ARHGAP6: variants seen among roughly 807,000 people sequenced by gnomAD.
ARHGAP6 encodes Rho GTPase activating protein 6, also known as rho GTPase-activating protein 6.
Under a neutral mutation model 55.7 loss-of-function variants are expected in ARHGAP6, and 16 were observed. The observed-to-expected ratio is 0.29, with a 90% CI of 0.19 to 0.44. ARHGAP6 has a LOEUF of 0.44. Ranked by LOEUF, ARHGAP6 falls within the 20% of genes least tolerant of loss-of-function variation. The pLI is 1.00. For missense variants in ARHGAP6, 698 were observed against 808.9 expected, an observed-to-expected ratio of 0.86 and a Z score of 1.66; for synonymous variants, 382 against 360.9, an observed-to-expected ratio of 1.06 and a Z score of -0.66.
At position 11,300,828 on chromosome X, in the gene ARHGAP6, T is replaced by C. The variant is rs7052450; in HGVS notation, c.589-46121A>G. The C allele has an allele frequency of 0.05, 18,573 of 373,868 alleles. 808 individuals are homozygous for C. Among genetic ancestry groups the C allele is most frequent in the African/African-American group, 0.2 (7,856 of 38,855 alleles). The allele number at this position is 373,868 out of a possible 1,213,427, so 30.8% of individuals were successfully genotyped here. ...TTTGAGATGATATATTATGAATGAG[T>C]ATTCTTGAATCAGGTAGGAACTGCT... On this transcript the variant is annotated intron_variant, in intron 1 of 12. Coordinates refer to ENST00000337414, the MANE Select transcript of ARHGAP6 (RefSeq NM_013427.3).
At chrX:11,609,632 G>C (rs761408992) in intron 1 of ARHGAP6, among the ~76,000 whole-genome samples, 1 of 111,946 alleles carries the variant, frequency 8.9e-6, no homozygotes, top group Non-Finnish European at 1.9e-5. Context: ...CAACCTATCA[G>C]CATACCAAAA....
chrX:11,225,724 G>A (rs1248444729), intron 2 of ARHGAP6: 2 of 657,094 alleles, frequency 3.0e-6, no homozygotes. Flanking sequence ...GGAACTGAAA[G>A]AGATTGAGCC....
chrX:11,447,929 T>C (rs1330399789), intron 1 of ARHGAP6, among the ~76,000 whole-genome samples: 2 of 112,228 alleles, frequency 1.8e-5, no homozygotes, highest in Admixed American at 1.9e-4. Flanking sequence ...ATAACAGATA[T>C]AATAATAACC....
At chrX:11,660,161 G>C (rs1485627306) in intron 1 of ARHGAP6, among the ~76,000 whole-genome samples, 2 of 111,575 alleles carry the variant, frequency 1.8e-5, no homozygotes, top group Non-Finnish European at 3.8e-5. Context: ...CTTCACTTGG[G>C]CAACACTCAA....
intron 1 of ARHGAP6, among the ~76,000 whole-genome samples, chrX:11,353,803 T>G (rs2048891925): frequency 9.0e-6 from 1 of 111,189 alleles, no homozygotes; most frequent in Non-Finnish European, 1.9e-5. Context: ...TCTGATCATT[T>G]TCCTTGACCT....
At position 11,139,423 on chromosome X, in the gene ARHGAP6, C is replaced by T. The variant is rs777665520; in HGVS notation, c.2365G>A (p.Glu789Lys). The T allele has an allele frequency of 8.4e-7, 1 of 1,187,283 alleles. No individual in the cohort carries two copies. Among genetic ancestry groups the T allele is most frequent in the Non-Finnish European group, 1.1e-6 (1 of 885,688 alleles). ...NWPRWQGSPA[E>K]LDSDTQGARR... ...GCCCCCTGCGTGTCGCTGTCCAGCT[C>T]TGCGGGGCTCCCCTGCCACCGAGGC... Residue 789 changes from glutamate to lysine, a missense_variant, in exon 13 of 13, where the codon GAG (glutamate) becomes AAG (lysine). Coordinates refer to ENST00000337414, the MANE Select transcript of ARHGAP6 (RefSeq NM_013427.3).
chrX:11,415,357 A>C (rs1056244415), intron 1 of ARHGAP6, among the ~76,000 whole-genome samples: 14 of 111,870 alleles, frequency 1.3e-4, no homozygotes, highest in Admixed American at 7.6e-4. Context: ...ATGGGAACTG[A>C]TATCAGTGAG....
intron 10 of ARHGAP6, chrX:11,148,884 A>G: frequency 4.2e-6 from 1 of 239,288 alleles, no homozygotes. Context: ...AACTGAAAGC[A>G]TTGTATCATC....
chrX:11,276,065 C>G (rs2047760159), intron 1 of ARHGAP6, among the ~76,000 whole-genome samples: 1 of 111,568 alleles, frequency 9.0e-6, no homozygotes, highest in Non-Finnish European at 1.9e-5. Flanking sequence ...TTCCAAATGA[C>G]CTAGACACTT....
intron 1 of ARHGAP6, among the ~76,000 whole-genome samples, chrX:11,522,857 A>G (rs1254314146): frequency 8.9e-6 from 1 of 111,984 alleles, no homozygotes; most frequent in Admixed American, 9.5e-5. Context: ...TCAATAGAAA[A>G]ACAGGGAATC....
At chrX:11,285,561 G>C (rs757146976) in intron 1 of ARHGAP6, among the ~76,000 whole-genome samples, 12 of 111,584 alleles carry the variant, frequency 1.1e-4, no homozygotes, top group Non-Finnish European at 1.9e-4. Flanking sequence ...CCATACACAG[G>C]GCATCAAGTC....
At chrX:11,390,973 CA>C (rs991235432) in intron 1 of ARHGAP6, among the ~76,000 whole-genome samples, 8 of 111,951 alleles carry the variant, frequency 7.1e-5, no homozygotes, top group African/African-American at 2.6e-4. Context: ...GGTATATACC[CA>C]AAGGATTCTA....
At chrX:11,637,580 G>A (rs770952604) in intron 1 of ARHGAP6, among the ~76,000 whole-genome samples, 8 of 111,036 alleles carry the variant, frequency 7.2e-5, no homozygotes, top group African/African-American at 1.6e-4. Flanking sequence ...TACACTACCA[G>A]AAAACAAAGA....
At chrX:11,418,311 G>A (rs2049779536) in intron 1 of ARHGAP6, among the ~76,000 whole-genome samples, 1 of 111,983 alleles carries the variant, frequency 8.9e-6, no homozygotes, top group African/African-American at 3.2e-5. Context: ...GGGGTACAGG[G>A]CGGTTTAACT....
rs181683748 is a variant in ARHGAP6, at chrX:11,167,655, C to A, written c.1809+1850G>T. Among the ~76,000 whole-genome samples, 10 of 111,073 alleles carry A rather than the reference C, an allele frequency of 9.0e-5. No homozygotes were observed. In the East Asian group the frequency reaches 2.8e-3, roughly 31 times the overall value. ...GGTATCTGAGTTGAAAAGAAATGCT[C>A]GATGATATGTGGTTTCATATAAAGG... On this transcript the variant is annotated intron_variant, in intron 9 of 12. Transcript: ENST00000337414.
chrX:11,318,499 T>C (rs2048386959), intron 1 of ARHGAP6: 2 of 112,026 alleles, frequency 1.8e-5, no homozygotes, highest in Non-Finnish European at 1.9e-5. Flanking sequence ...AAAAGTATCA[T>C]ATTATTTTGC....
At chrX:11,362,206 G>A (rs1377489408) in intron 1 of ARHGAP6, among the ~76,000 whole-genome samples, 3 of 111,713 alleles carry the variant, frequency 2.7e-5, no homozygotes, top group East Asian at 2.8e-4. Flanking sequence ...ACATGCACAC[G>A]TATGTTTATT....
chrX:11,249,293 G>C (rs919373745), intron 2 of ARHGAP6, among the ~76,000 whole-genome samples: 1 of 111,313 alleles, frequency 9.0e-6, no homozygotes, highest in Non-Finnish European at 1.9e-5. Context: ...AAAGGGGTGA[G>C]GGATAAAAAA....
intron 2 of ARHGAP6, among the ~76,000 whole-genome samples, chrX:11,231,998 A>G (rs962527403): frequency 2.7e-5 from 3 of 111,895 alleles, no homozygotes; most frequent in African/African-American, 9.8e-5. Context: ...GTAAATATGT[A>G]TGGAGTAAAT....
Sources: allele counts gnomAD v4.1 joint callset (sites outside exome capture counted in the v4.1 genomes callset), GRCh38; gene constraint gnomAD v4.1.1; transcripts MANE v1.5; gene names NCBI Gene and HGNC (gene_info 2026-07-23, HGNC 2026-07-21).